The following MAD1L1 variants were observed in gnomAD, a reference collection of about 807,000 sequenced individuals.
MAD1L1 encodes the protein mitotic spindle assembly checkpoint protein MAD1.
MAD1L1 carries 95 observed loss-of-function variants against 96.9 expected under a neutral mutation model. That is an observed-to-expected ratio of 0.98 (90% CI 0.83 to 1.16). MAD1L1 has a LOEUF of 1.16. Among genes scored for constraint, MAD1L1 ranks in the 50% most tolerant of loss-of-function variants. The pLI is 0.00. For missense variants in MAD1L1, 1,007 were observed against 954.4 expected (o/e 1.06, Z -0.73); for synonymous variants, 473 against 396.6 (o/e 1.19, Z -2.29).
chr7:2,204,667 C>T (rs1319074736), intron 10 of MAD1L1, among the ~76,000 whole-genome samples: 1 of 152,290 alleles, frequency 6.6e-6, no homozygotes, highest in African/African-American at 2.4e-5. Context: ...GGAGACGCCA[C>T]GGTCCACGTA....
intron 16 of MAD1L1, among the ~76,000 whole-genome samples, chr7:1,953,834 G>A (rs747844840): frequency 8.5e-5 from 13 of 152,370 alleles, no homozygotes; most frequent in Admixed American, 2.6e-4. Context: ...TGGGTGACAC[G>A]GGGGCCCCAC....
At chr7:2,003,388 G>A (rs941628772) in intron 13 of MAD1L1, among the ~76,000 whole-genome samples, 5 of 152,136 alleles carry the variant, frequency 3.3e-5, no homozygotes, top group Admixed American at 1.3e-4. Flanking sequence ...TGGGGACACA[G>A]CCTGGGGAAA....
intron 10 of MAD1L1, among the ~76,000 whole-genome samples, chr7:2,208,881 T>C (rs1450546886): frequency 1.3e-5 from 2 of 151,870 alleles, no homozygotes; most frequent in Non-Finnish European, 1.5e-5. Context: ...ACCATGCTCC[T>C]GGGAGACCAA....
chr7:1,888,536 C>A (rs1280770195), intron 18 of MAD1L1, among the ~76,000 whole-genome samples: 1 of 99,414 alleles, frequency 1.0e-5, no homozygotes, highest in Non-Finnish European at 2.2e-5. Flanking sequence ...GTGTGGTTGC[C>A]TGTGCGTGTG....
At position 2,063,695 on chromosome 7, in the gene MAD1L1, G is replaced by A. The variant is rs551392728; in HGVS notation, c.1218+5499C>T. Reference sequence around the variant, plus strand: ...CGTGGGCCCATTTCTAAATCGCTGCGCAGCCTGGGCACGGTGCCAGCGAGG... The same window carrying A: ...CGTGGGCCCATTTCTAAATCGCTGCACAGCCTGGGCACGGTGCCAGCGAGG... On this transcript the variant is annotated intron_variant, in intron 12 of 18. Coordinates refer to ENST00000265854, the MANE Select transcript of MAD1L1 (RefSeq NM_001013836.2). 3.9e-5 allele frequency among the ~76,000 whole-genome samples: 6 copies of A among 152,302 alleles called. 1 individual carries two copies. The highest frequency in any genetic ancestry group is 4.1e-4 in the South Asian group (2 of 4,822).
chr7:2,052,923 G>T (rs1436075326), intron 12 of MAD1L1, among the ~76,000 whole-genome samples: 3 of 152,156 alleles, frequency 2.0e-5, no homozygotes, highest in African/African-American at 7.2e-5. Context: ...AGGACATGTG[G>T]GAGGAGGAAA....
intron 10 of MAD1L1, among the ~76,000 whole-genome samples, chr7:2,188,170 T>C (rs1010904491): frequency 6.6e-6 from 1 of 152,238 alleles, no homozygotes; most frequent in Non-Finnish European, 1.5e-5. Flanking sequence ...CAATGAATTT[T>C]AGTACGACAG....
At chr7:2,028,066 TCAAAACAA>T (rs1412282444) in intron 12 of MAD1L1, among the ~76,000 whole-genome samples, 1 of 152,114 alleles carries the variant, frequency 6.6e-6, no homozygotes, top group Admixed American at 6.5e-5. Context: ...ACATTATTAT[TCAAAACAA>T]CAAAACCCAT....
intron 18 of MAD1L1, among the ~76,000 whole-genome samples, chr7:1,856,239 G>A (rs574757741): frequency 6.6e-6 from 1 of 152,348 alleles, no homozygotes; most frequent in African/African-American, 2.4e-5. Context: ...GGAGGGGTGT[G>A]CCTGTGGGGC....
At chr7:1,887,635 G>C (rs1331842012) in intron 18 of MAD1L1, among the ~76,000 whole-genome samples, 1 of 150,496 alleles carries the variant, frequency 6.6e-6, no homozygotes, top group Non-Finnish European at 1.5e-5. Flanking sequence ...GCATGTGTGT[G>C]CATGCATGCA....
chr7:2,212,487 A>G (rs376862745), intron 10 of MAD1L1, among the ~76,000 whole-genome samples: 32 of 152,274 alleles, frequency 2.1e-4, no homozygotes, highest in African/African-American at 7.5e-4. Context: ...TGGATCCCTC[A>G]CAGCTTGGGT....
At chr7:1,894,663 A>G (rs1248763946) in intron 18 of MAD1L1, among the ~76,000 whole-genome samples, 3 of 152,116 alleles carry the variant, frequency 2.0e-5, no homozygotes, top group African/African-American at 7.2e-5. Flanking sequence ...CACATCAACC[A>G]GATGGGGCGC....
chr7:1,886,896 G>A (rs1786068815), intron 18 of MAD1L1, among the ~76,000 whole-genome samples: 1 of 152,296 alleles, frequency 6.6e-6, no homozygotes. Flanking sequence ...GGGGTGTGCA[G>A]CCGGACTCCA....
At chr7:2,176,203 C>A (rs1376373908) in intron 10 of MAD1L1, among the ~76,000 whole-genome samples, 1 of 152,128 alleles carries the variant, frequency 6.6e-6, no homozygotes, top group Non-Finnish European at 1.5e-5. Flanking sequence ...CAAAAATTAG[C>A]TGGGCATGGT....
chr7:2,032,310 G>A (rs1228265942), intron 12 of MAD1L1, among the ~76,000 whole-genome samples: 1 of 152,232 alleles, frequency 6.6e-6, no homozygotes, highest in Non-Finnish European at 1.5e-5. Context: ...AAGGCTCCAG[G>A]GGAAGGCGCG....
intron 18 of MAD1L1, among the ~76,000 whole-genome samples, chr7:1,836,345 C>G (rs895866011): frequency 3.3e-5 from 5 of 152,128 alleles, no homozygotes; most frequent in African/African-American, 1.2e-4. Flanking sequence ...TCATGGCTGT[C>G]TTGGTTTTGG....
At chr7:1,829,820 G>C (rs1782617948) in intron 18 of MAD1L1, among the ~76,000 whole-genome samples, 2 of 151,496 alleles carry the variant, frequency 1.3e-5, no homozygotes, top group African/African-American at 4.8e-5. Flanking sequence ...AATCTTAAAA[G>C]CAGTCAGAGG....
chr7:2,033,927 C>A (rs555423662), intron 12 of MAD1L1, among the ~76,000 whole-genome samples: 27 of 152,016 alleles, frequency 1.8e-4, no homozygotes, highest in African/African-American at 6.0e-4. Flanking sequence ...CCCATCTCTA[C>A]AAAAAAAATT....
chr7:1,927,628 C>T (rs940836586), intron 17 of MAD1L1, among the ~76,000 whole-genome samples: 2 of 152,100 alleles, frequency 1.3e-5, no homozygotes, highest in Non-Finnish European at 2.9e-5. Context: ...ATTGGACATC[C>T]ATATAAAAAC....
Sources: allele counts gnomAD v4.1 joint callset (sites outside exome capture counted in the v4.1 genomes callset), GRCh38; gene constraint gnomAD v4.1.1; transcripts MANE v1.5; gene names NCBI Gene and HGNC (gene_info 2026-07-23, HGNC 2026-07-21).